MTREX: variants seen among roughly 807,000 people sequenced by gnomAD.
The protein encoded by MTREX is Mtr4 exosome RNA helicase, also known as exosome RNA helicase MTR4.
MTREX carries 76 observed loss-of-function variants against 135.4 expected under a neutral mutation model. The observed-to-expected ratio is 0.56, with a 90% CI of 0.47 to 0.68. The LOEUF is 0.68. MTREX is among the 30% of genes least tolerant of loss of function. The probability of loss-of-function intolerance (pLI) is 0.00; values close to 1 mark genes in which losing one functional copy is unlikely to be tolerated. For missense variants in MTREX, 920 were observed against 1,262.1 expected (o/e 0.73, Z 4.11); for synonymous variants, 404 against 401.6 (o/e 1.01, Z -0.07).
At chr5:55,311,317 T>A (rs1749108325) in intron 1 of MTREX, among the ~76,000 whole-genome samples, 1 of 152,212 alleles carries the variant, frequency 6.6e-6, no homozygotes, top group African/African-American at 2.4e-5. Flanking sequence ...CGTTAAATAC[T>A]GAATCTGCAG....
At chr5:55,350,004 G>T (rs1749801714) in intron 12 of MTREX, among the ~76,000 whole-genome samples, 3 of 152,312 alleles carry the variant, frequency 2.0e-5, no homozygotes, top group East Asian at 3.9e-4. Flanking sequence ...CATGTGTTTA[G>T]TGAGGAATTT....
At chr5:55,378,169 A>G in intron 16 of MTREX, 145 bp from the exon 17 acceptor site, 1 of 887,410 alleles carries the variant, frequency 1.1e-6, no homozygotes. Context: ...GGATAGATGA[A>G]CACATAGAGA....
chr5:55,369,031 A>G (rs1439564384), intron 16 of MTREX, among the ~76,000 whole-genome samples: 1 of 152,040 alleles, frequency 6.6e-6, no homozygotes, highest in African/African-American at 2.4e-5. Flanking sequence ...AAGAGATAGA[A>G]AAGTATGATT....
Position 55,327,696 on chromosome 5 carries a change from C to CT in MTREX, c.340-14dup. The CT allele has an allele frequency of 1.3e-6, 2 of 1,588,130 alleles. No homozygotes were observed. Among genetic ancestry groups the CT allele is most frequent in the South Asian group, 1.1e-5 (1 of 88,630 alleles). On this transcript the variant is annotated intron_variant, in intron 3 of 26. Transcript: ENST00000230640. ...CAAATAGTTGGTGAGGTTTTTTTTT[C>CT]TTTTTTACTTTGTTGTCAGGTTGCA...
chr5:55,363,462 G>A (rs576266203), intron 15 of MTREX, among the ~76,000 whole-genome samples: 1 of 152,102 alleles, frequency 6.6e-6, no homozygotes, highest in Admixed American at 6.6e-5. Context: ...GGAATTCTTC[G>A]AAGTTTTCCT....
chr5:55,354,167 A>G (rs1749872316), intron 14 of MTREX, among the ~76,000 whole-genome samples: 1 of 152,220 alleles, frequency 6.6e-6, no homozygotes, highest in Non-Finnish European at 1.5e-5. Context: ...GAGCAAAAAG[A>G]CAATCCAGAC....
At chr5:55,339,680 G>C (rs760925241) in intron 5 of MTREX, among the ~76,000 whole-genome samples, 18 of 152,182 alleles carry the variant, frequency 1.2e-4, no homozygotes, top group Non-Finnish European at 2.1e-4. Flanking sequence ...CTGTATATGT[G>C]TGAACTCACA....
intron 22 of MTREX, among the ~76,000 whole-genome samples, chr5:55,405,938 G>A (rs539624002): frequency 6.6e-6 from 1 of 151,684 alleles, no homozygotes; most frequent in South Asian, 2.1e-4. Flanking sequence ...AATGCCTTGT[G>A]GGATTTTTAC....
chr5:55,336,780 C>T (rs1014528695), intron 5 of MTREX, among the ~76,000 whole-genome samples: 2 of 152,152 alleles, frequency 1.3e-5, no homozygotes, highest in African/African-American at 2.4e-5. Context: ...CTTGCAAATA[C>T]GATAGTGTAT....
chr5:55,362,677 T>G (rs1041629979), intron 15 of MTREX, among the ~76,000 whole-genome samples: 9 of 152,166 alleles, frequency 5.9e-5, no homozygotes, highest in Admixed American at 3.3e-4. Context: ...GCAGTTCTTT[T>G]GATACATTTT....
intron 19 of MTREX, among the ~76,000 whole-genome samples, chr5:55,395,772 A>G (rs1267146487): frequency 2.0e-5 from 3 of 152,172 alleles, no homozygotes; most frequent in Non-Finnish European, 4.4e-5. Flanking sequence ...AGAAACCCAA[A>G]CTGAGACTCA....
At chr5:55,346,583 G>T (rs957097699) in intron 10 of MTREX, among the ~76,000 whole-genome samples, 2 of 152,112 alleles carry the variant, frequency 1.3e-5, no homozygotes, top group Non-Finnish European at 2.9e-5. Flanking sequence ...TTCCCTGGTG[G>T]CTAATGATGT....
chr5:55,419,806 C>T (rs937119876), intron 25 of MTREX, among the ~76,000 whole-genome samples: 5 of 152,100 alleles, frequency 3.3e-5, no homozygotes, highest in Non-Finnish European at 4.4e-5. Flanking sequence ...AGTCCTGCTC[C>T]CTCTGTATGC....
chr5:55,341,874 TAG>T, intron 7 of MTREX, 103 bp downstream of exon 7: 2 of 585,998 alleles, frequency 3.4e-6, no homozygotes, highest in Admixed American at 3.4e-5. Context: ...TTTGTGTGGC[TAG>T]GGTTCTAATA....
At chr5:55,350,456 TAGTA>T (rs1749807991) in intron 12 of MTREX, among the ~76,000 whole-genome samples, 1 of 152,230 alleles carries the variant, frequency 6.6e-6, no homozygotes, top group Non-Finnish European at 1.5e-5. Flanking sequence ...GCACTTCTAG[TAGTA>T]AGTATTTAAT....
rs1200954597 is a variant in MTREX, at chr5:55,340,905, A to T, written c.690+721A>T. ...CCAAGTAACTGATTTTTTAGAGTGC[A>T]GTATTATGTTTACCTTCTTCCCATA... is the stretch of plus-strand genomic sequence containing the variant. On this transcript the variant is annotated intron_variant, in intron 6 of 26. Coordinates refer to ENST00000230640, the MANE Select transcript of MTREX (RefSeq NM_015360.5). 2.6e-5 allele frequency among the ~76,000 whole-genome samples: 4 copies of T among 152,146 alleles called. No individual in the cohort carries two copies. The East Asian group carries it at 7.7e-4, about 29-fold the overall frequency.
At chr5:55,380,290 T>G (rs868758243) in intron 18 of MTREX, among the ~76,000 whole-genome samples, 5 of 152,158 alleles carry the variant, frequency 3.3e-5, no homozygotes, top group Admixed American at 2.6e-4. Flanking sequence ...TCTACAATTT[T>G]CCCGGTTAGG....
chr5:55,346,859 T>C (rs932891965), intron 10 of MTREX, among the ~76,000 whole-genome samples, 154 bp from the exon 11 acceptor site: 6 of 152,168 alleles, frequency 3.9e-5, no homozygotes, highest in African/African-American at 1.2e-4. Flanking sequence ...TTGTTTATGC[T>C]TTTGTTGTCA....
chr5:55,412,900 T>C (rs1285661924), intron 23 of MTREX, among the ~76,000 whole-genome samples: 1 of 152,184 alleles, frequency 6.6e-6, no homozygotes, highest in Non-Finnish European at 1.5e-5. Flanking sequence ...CATCAATAAT[T>C]TTTGGTTTTA....
Sources: gnomAD v4.1 joint callset for allele counts (sites outside exome capture counted in the v4.1 genomes callset) on GRCh38, gnomAD v4.1.1 for gene constraint, MANE v1.5 for transcripts, NCBI Gene and HGNC (gene_info 2026-07-23, HGNC 2026-07-21) for gene names.